The following AGAP1 variants were observed in gnomAD, a reference collection of about 807,000 sequenced individuals.
AGAP1 encodes ArfGAP with GTPase domain, ankyrin repeat and PH domain 1.
Under a neutral mutation model 105.3 loss-of-function variants are expected in AGAP1, and 29 were observed. The ratio of observed to expected loss-of-function variants is 0.28; its 90% CI spans 0.21 to 0.38. The LOEUF is 0.38. AGAP1 is among the 10% of genes least tolerant of loss of function. AGAP1 has a pLI of 1.00. For synonymous variants in AGAP1, 509 were observed against 485.9 expected (o/e 1.05, Z -0.63); for missense variants, 998 against 1,165.1 (o/e 0.86, Z 2.09).
rs115426797 is a variant in AGAP1, at chr2:235,622,902, C to T, written c.164-86277C>T. On this transcript the variant is annotated intron_variant, in intron 1 of 17. Coordinates refer to ENST00000304032, the MANE Select transcript of AGAP1 (RefSeq NM_001037131.3). This position sits in a 1 kb window ranked among gnomAD's most constrained non-coding sequence, Gnocchi z 5.0. ...TCTTCTTGGAGTCAGCACTGCTTCA[C>T]GGTCCTATTGGCATGAGAACCACGT... 0.017 allele frequency among the ~76,000 whole-genome samples: 2,621 copies of T among 152,192 alleles called. 67 individuals carry two copies. Among genetic ancestry groups the T allele is most frequent in the African/African-American group, 0.059 (2,430 of 41,510 alleles).
chr2:235,547,971 C>G (rs1231304869), intron 1 of AGAP1, among the ~76,000 whole-genome samples: 1 of 152,228 alleles, frequency 6.6e-6, no homozygotes, highest in Non-Finnish European at 1.5e-5. Flanking sequence ...CACACGGTTC[C>G]TGAATTATTT....
Position 236,127,716 on chromosome 2 carries a change from A to G in AGAP1, c.*3594A>G, listed in dbSNP as rs1051226355. The G allele has an allele frequency of 1.3e-5, 2 of 152,202 alleles. No individual in the cohort carries two copies. The highest frequency in any genetic ancestry group is 4.8e-5 in the African/African-American group (2 of 41,448). 9.4% of individuals were successfully genotyped at this position (152,202 alleles called of 1,614,324 possible). A position where few individuals can be genotyped will look rare whatever the true frequency, so the allele number is the denominator to read the frequency against. On this transcript the variant is annotated 3_prime_UTR_variant, in exon 18 of 18. Coordinates refer to ENST00000304032, the MANE Select transcript of AGAP1 (RefSeq NM_001037131.3). The surrounding 1 kb of genome is among the most constrained non-coding windows in gnomAD (Gnocchi z 6.6). ...ATTTGGGGTCATTCCCTATATCTGC[A>G]TAGGAGCTATTGCTAACCTTGTTAG...
chr2:236,091,629 C>T (rs895596950), intron 16 of AGAP1, among the ~76,000 whole-genome samples: 6 of 152,046 alleles, frequency 3.9e-5, no homozygotes, highest in Admixed American at 3.3e-4. Context: ...AAAAATTAGC[C>T]GAGTGTGGTG....
intron 13 of AGAP1, among the ~76,000 whole-genome samples, chr2:236,023,941 A>C (rs7570550): frequency 6.6e-6 from 1 of 151,488 alleles, no homozygotes; most frequent in Non-Finnish European, 1.5e-5. Flanking sequence ...TGACTTCTGC[A>C]TCCTCCTTGA....
intron 1 of AGAP1, among the ~76,000 whole-genome samples, chr2:235,673,114 C>A (rs996375367): frequency 5.3e-5 from 8 of 152,184 alleles, no homozygotes; most frequent in African/African-American, 9.7e-5. Flanking sequence ...TGGATAAATT[C>A]TTTGCCTTTG....
At chr2:236,070,638 A>G (rs1174976504) in intron 16 of AGAP1, among the ~76,000 whole-genome samples, 2 of 152,236 alleles carry the variant, frequency 1.3e-5, no homozygotes, top group East Asian at 1.9e-4. Context: ...GCATTGATGT[A>G]TACTACAACG....
intron 6 of AGAP1, among the ~76,000 whole-genome samples, chr2:235,760,779 G>T (rs1312621663): frequency 2.6e-5 from 4 of 152,104 alleles, no homozygotes; most frequent in Non-Finnish European, 4.4e-5. Context: ...TAGAGATGAG[G>T]GTCTCGATGT....
rs10681734 is a variant in AGAP1, at chr2:235,888,705, TAA to T, written c.1155+5270_1155+5271del. Reference sequence around the variant, plus strand: ...GGGCGACCATGCAAGACCCTGTCTTTAAAAAAAAAAAAAAAGTTGATAGAGGC... The same window carrying T: ...GGGCGACCATGCAAGACCCTGTCTTTAAAAAAAAAAAAAGTTGATAGAGGC... On this transcript the variant is annotated intron_variant, in intron 10 of 17. Transcript: ENST00000304032. This position sits in a 1 kb window ranked among gnomAD's most constrained non-coding sequence, Gnocchi z 4.8. Among the ~76,000 whole-genome samples, 21 of 142,198 alleles carry T rather than the reference TAA, an allele frequency of 1.5e-4. No homozygotes were observed. The highest frequency in any genetic ancestry group is 1.4e-4 in the Admixed American group (2 of 14,188). 93.3% of individuals were successfully genotyped at this position (142,198 alleles called of 152,430 possible). A position where few individuals can be genotyped will look rare whatever the true frequency, so the allele number is the denominator to read the frequency against.
intron 1 of AGAP1, among the ~76,000 whole-genome samples, chr2:235,666,624 C>T (rs1397146731): frequency 6.6e-6 from 1 of 151,068 alleles, no homozygotes; most frequent in East Asian, 1.9e-4. Context: ...GAGTCAGTGT[C>T]ATCTAAGGTG....
At position 236,127,024 on chromosome 2, in the gene AGAP1, C is replaced by T. The variant is rs2060014579; in HGVS notation, c.*2902C>T. 6.6e-6 allele frequency: 1 copy of T among 152,410 alleles called. No individual in the cohort carries two copies. Among genetic ancestry groups the T allele is most frequent in the East Asian group, 1.9e-4 (1 of 5,188 alleles). The allele number at this position is 152,410 out of a possible 1,614,324, so 9.4% of individuals were successfully genotyped here. A position where few individuals can be genotyped will look rare whatever the true frequency, so the allele number is the denominator to read the frequency against. On this transcript the variant is annotated 3_prime_UTR_variant, in exon 18 of 18. Coordinates refer to ENST00000304032, the MANE Select transcript of AGAP1 (RefSeq NM_001037131.3). The surrounding 1 kb of genome is among the most constrained non-coding windows in gnomAD (Gnocchi z 6.6). ...GACAGATCACCACTGCAGGATCCCCCTCACCTTTCCTGTTCAGAATTAAAA... is the reference window on the plus strand; with the variant it reads ...GACAGATCACCACTGCAGGATCCCCTTCACCTTTCCTGTTCAGAATTAAAA...
At chr2:235,657,868 T>C (rs1044561250) in intron 1 of AGAP1, among the ~76,000 whole-genome samples, 1 of 152,204 alleles carries the variant, frequency 6.6e-6, no homozygotes, top group Non-Finnish European at 1.5e-5. Context: ...CCAGTAAGAC[T>C]GTGTCCTTAT....
At position 236,051,481 on chromosome 2, in the gene AGAP1, G is replaced by T. The variant is rs1462395619; in HGVS notation, c.2114+2200G>T. Among the ~76,000 whole-genome samples, 2 of 152,074 alleles carry T rather than the reference G, an allele frequency of 1.3e-5. No individual in the cohort carries two copies. Among genetic ancestry groups the T allele is most frequent in the East Asian group, 3.9e-4 (2 of 5,164 alleles). ...TCTGAAATAGGGGGTGATTCCCAGG[G>T]CCAGGGCCAGGGGACCAGGTGGGAA... is the stretch of plus-strand genomic sequence containing the variant. On this transcript the variant is annotated intron_variant, in intron 16 of 17. Coordinates refer to ENST00000304032, the MANE Select transcript of AGAP1 (RefSeq NM_001037131.3). This position sits in a 1 kb window ranked among gnomAD's most constrained non-coding sequence, Gnocchi z 5.9.
intron 1 of AGAP1, among the ~76,000 whole-genome samples, chr2:235,649,986 A>G (rs1020360818): frequency 2.6e-5 from 4 of 152,230 alleles, no homozygotes; most frequent in African/African-American, 9.6e-5. Context: ...CAGTAAATCA[A>G]ACTGGATGAA....
chr2:235,667,101 A>G (rs893708146), intron 1 of AGAP1, among the ~76,000 whole-genome samples: 4 of 152,216 alleles, frequency 2.6e-5, no homozygotes, highest in African/African-American at 9.6e-5. Flanking sequence ...GTTCATCATT[A>G]AAGAGGCGGG....
chr2:236,096,513 G>T lies in AGAP1; in HGVS notation c.2115-23679G>T, dbSNP rs975524449. ...GAGCCTCCATCTCAAAAAAAAAAAAGCTTCTGGAATGTCATCAGTTAGATG... is the reference window on the plus strand; with the variant it reads ...GAGCCTCCATCTCAAAAAAAAAAAATCTTCTGGAATGTCATCAGTTAGATG... On this transcript the variant is annotated intron_variant, in intron 16 of 17. Transcript: ENST00000304032. The surrounding 1 kb of genome is among the most constrained non-coding windows in gnomAD (Gnocchi z 4.4). Among the ~76,000 whole-genome samples, 1 of 151,140 alleles carries T rather than the reference G, an allele frequency of 6.6e-6. No homozygotes were observed. The highest frequency in any genetic ancestry group is 1.5e-5 in the Non-Finnish European group (1 of 67,884).
At chr2:235,835,387 C>T (rs981062768) in intron 9 of AGAP1, among the ~76,000 whole-genome samples, 1 of 152,214 alleles carries the variant, frequency 6.6e-6, no homozygotes, top group Admixed American at 6.5e-5. Context: ...TGCTGCCACA[C>T]CTGGCAGAGA....
intron 9 of AGAP1, among the ~76,000 whole-genome samples, chr2:235,825,365 A>C (rs180958439): frequency 1.3e-5 from 2 of 152,196 alleles, no homozygotes; most frequent in African/African-American, 4.8e-5. Flanking sequence ...TTTGAGGAAA[A>C]CATTTTTAAT....
At position 235,983,175 on chromosome 2, in the gene AGAP1, A is replaced by AT. The variant is rs2055166761; in HGVS notation, c.1645+14553dup. Reference sequence around the variant, plus strand: ...TGGACGACCCCAGAGAAGGGACAGGATGGGGGGTTATGGAAGTGCCCAGCA... The same window carrying AT: ...TGGACGACCCCAGAGAAGGGACAGGATTGGGGGGTTATGGAAGTGCCCAGCA... On this transcript the variant is annotated intron_variant, in intron 13 of 17. Coordinates refer to ENST00000304032, the MANE Select transcript of AGAP1 (RefSeq NM_001037131.3). The surrounding 1 kb of genome is among the most constrained non-coding windows in gnomAD (Gnocchi z 4.5). 1.3e-5 allele frequency among the ~76,000 whole-genome samples: 2 copies of AT among 151,780 alleles called. No homozygotes were observed. The highest frequency in any genetic ancestry group is 2.4e-5 in the African/African-American group (1 of 41,326).
Position 236,040,485 on chromosome 2 carries a change from A to C in AGAP1, c.1801-266A>C. 1.9e-6 allele frequency: 1 copy of C among 517,098 alleles called. No individual in the cohort carries two copies. The allele number at this position is 517,098 out of a possible 1,614,324, so 32.0% of individuals were successfully genotyped here. A position where few individuals can be genotyped will look rare whatever the true frequency, so the allele number is the denominator to read the frequency against. Reference sequence around the variant, plus strand: ...CATGCGTATTCACAGATGATCCAGAACTCTCCTCTTTGCTCATTTCTGGCA... The same window carrying C: ...CATGCGTATTCACAGATGATCCAGACCTCTCCTCTTTGCTCATTTCTGGCA... On this transcript the variant is annotated intron_variant, in intron 14 of 17. Transcript: ENST00000304032. The surrounding 1 kb of genome is among the most constrained non-coding windows in gnomAD (Gnocchi z 5.6).
Sources: gnomAD v4.1 joint callset for allele counts (sites outside exome capture counted in the v4.1 genomes callset) on GRCh38, gnomAD v4.1.1 for gene constraint, Gnocchi (gnomAD v3.1) non-coding constraint, MANE v1.5 for transcripts, NCBI Gene and HGNC (gene_info 2026-07-23, HGNC 2026-07-21) for gene names.